Variants in RARB observed in about 807,000 individuals in gnomAD.
The protein encoded by RARB is HBV-activated protein.
A neutral mutation model predicts 51.9 loss-of-function variants in RARB; 17 were observed. That is an observed-to-expected ratio of 0.33 (90% confidence interval 0.22 to 0.49). RARB has a LOEUF of 0.49. Among genes scored for constraint, RARB ranks in the 20% least tolerant of loss-of-function variants. The probability of loss-of-function intolerance (pLI) is 0.99; values close to 1 mark genes in which losing one functional copy is unlikely to be tolerated. For synonymous variants in RARB, 215 were observed against 195.4 expected (o/e 1.10, Z -0.84); for missense variants, 369 against 550.8 (o/e 0.67, Z 3.30).
At chr3:25,213,735 G>A (rs1701752734) in intron 5 of RARB, among the ~76,000 whole-genome samples, 1 of 152,190 alleles carries the variant, frequency 6.6e-6, no homozygotes, top group African/African-American at 2.4e-5. Flanking sequence ...CTAGAATAAT[G>A]TTTAGGAGTG....
chr3:25,323,252 G>A (rs1026793033), intron 5 of RARB, among the ~76,000 whole-genome samples: 1 of 152,296 alleles, frequency 6.6e-6, no homozygotes, highest in African/African-American at 2.4e-5. Flanking sequence ...CAAACCACAG[G>A]ACCAGCTCAG....
At chr3:25,257,442 G>A (rs1198057596) in intron 5 of RARB, among the ~76,000 whole-genome samples, 2 of 152,012 alleles carry the variant, frequency 1.3e-5, no homozygotes, top group Admixed American at 6.6e-5. Flanking sequence ...ATTCTGGAAG[G>A]GCTGATCTCT....
chr3:25,431,020 C>T (rs895513879), intron 1 of RARB, among the ~76,000 whole-genome samples: 13 of 92,488 alleles, frequency 1.4e-4, no homozygotes, highest in Non-Finnish European at 2.7e-4. Flanking sequence ...GAGATTCTAA[C>T]AAATGTCTTG....
intron 5 of RARB, among the ~76,000 whole-genome samples, chr3:25,336,195 C>G (rs758168101): frequency 6.6e-6 from 1 of 151,834 alleles, no homozygotes; most frequent in South Asian, 2.1e-4. Flanking sequence ...GAATATAAAC[C>G]AAAATGCTAA....
intron 2 of RARB, among the ~76,000 whole-genome samples, chr3:24,896,710 A>G (rs1703486871): frequency 6.6e-6 from 1 of 152,206 alleles, no homozygotes; most frequent in Non-Finnish European, 1.5e-5. Flanking sequence ...AAAACTGTCA[A>G]GAATATTGCA....
At chr3:25,420,602 G>C (rs1707831218) in intron 5 of RARB, among the ~76,000 whole-genome samples, 1 of 152,176 alleles carries the variant, frequency 6.6e-6, no homozygotes, top group Non-Finnish European at 1.5e-5. Flanking sequence ...TGCATGATCT[G>C]AGAAGTTTTA....
At chr3:25,476,539 C>A (rs62237634) in intron 2 of RARB, among the ~76,000 whole-genome samples, 1,596 of 152,214 alleles carry the variant, frequency 0.01, 16 homozygotes, top group South Asian at 0.021. Context: ...AATTGTGTGG[C>A]ACCCCAAATT....
intron 2 of RARB, among the ~76,000 whole-genome samples, chr3:24,866,599 C>A (rs1315329733): frequency 6.6e-6 from 1 of 152,068 alleles, no homozygotes; most frequent in Non-Finnish European, 1.5e-5. Context: ...AGCTCCCAAC[C>A]TCCCTCACCG....
At chr3:24,996,854 G>A (rs1697050751) in intron 2 of RARB, among the ~76,000 whole-genome samples, 1 of 151,940 alleles carries the variant, frequency 6.6e-6, no homozygotes, top group African/African-American at 2.4e-5. Context: ...AAAAAATTTA[G>A]AGACTTGTTT....
intron 3 of RARB, among the ~76,000 whole-genome samples, chr3:25,108,079 T>C (rs904899571): frequency 6.6e-6 from 1 of 152,118 alleles, no homozygotes; most frequent in Admixed American, 6.6e-5. Context: ...GACTAATGGG[T>C]GGGTAGCATC....
chr3:25,072,414 C>A (rs1011408343), intron 3 of RARB, among the ~76,000 whole-genome samples: 11 of 152,112 alleles, frequency 7.2e-5, no homozygotes, highest in Admixed American at 2.6e-4. Context: ...AGCAACCAGT[C>A]ACTGTGATGT....
At chr3:24,853,904 A>T (rs1702598443) in intron 1 of RARB, among the ~76,000 whole-genome samples, 2 of 152,312 alleles carry the variant, frequency 1.3e-5, no homozygotes, top group South Asian at 4.1e-4. Context: ...GCTGCCAGAG[A>T]TGTGGTTATG....
intron 3 of RARB, among the ~76,000 whole-genome samples, chr3:25,108,666 A>G (rs1004740715): frequency 6.6e-6 from 1 of 152,202 alleles, no homozygotes; most frequent in African/African-American, 2.4e-5. Context: ...AGTCTCTGCT[A>G]TGGTGTTTTT....
intron 2 of RARB, among the ~76,000 whole-genome samples, chr3:24,919,133 A>T (rs1695165434): frequency 6.6e-6 from 1 of 152,210 alleles, no homozygotes; most frequent in Admixed American, 6.5e-5. Context: ...TTATCACAGC[A>T]TTTAACACAT....
intron 5 of RARB, among the ~76,000 whole-genome samples, chr3:25,295,443 C>A (rs569960154): frequency 6.6e-6 from 1 of 152,300 alleles, no homozygotes; most frequent in East Asian, 1.9e-4. Flanking sequence ...TCTGCTGGTA[C>A]CTTGATCTTG....
intron 3 of RARB, among the ~76,000 whole-genome samples, chr3:25,501,892 A>G (rs1009351765): frequency 6.6e-6 from 1 of 152,256 alleles, no homozygotes; most frequent in African/African-American, 2.4e-5. Context: ...AAAATACATT[A>G]AAAATTGGCT....
At chr3:24,934,580 T>C (rs1358339656) in intron 2 of RARB, among the ~76,000 whole-genome samples, 1 of 152,116 alleles carries the variant, frequency 6.6e-6, no homozygotes, top group Non-Finnish European at 1.5e-5. Context: ...TTTGTAGTTT[T>C]ATGCATGAGA....
intron 3 of RARB, among the ~76,000 whole-genome samples, chr3:25,548,642 CAAAAAA>C (rs35411774): frequency 1.4e-5 from 1 of 73,606 alleles, no homozygotes; most frequent in African/African-American, 5.9e-5. Context: ...CCTCCCCCGA[CAAAAAA>C]AAAAAAAAAA....
chr3:25,262,529 TA>T (rs1254099960), intron 5 of RARB, among the ~76,000 whole-genome samples: 1 of 152,196 alleles, frequency 6.6e-6, no homozygotes, highest in Non-Finnish European at 1.5e-5. Flanking sequence ...TCCTTGTCCT[TA>T]ACCTTTTCCA....
Sources: allele counts gnomAD v4.1 joint callset (sites outside exome capture counted in the v4.1 genomes callset), GRCh38; gene constraint gnomAD v4.1.1; transcripts MANE v1.5; gene names NCBI Gene and HGNC (gene_info 2026-07-23, HGNC 2026-07-21).